The following KLF12 variants were observed in gnomAD, a reference collection of about 807,000 sequenced individuals.
KLF12 encodes the protein KLF transcription factor 12.
In KLF12, 9 loss-of-function variants were observed where a neutral mutation model predicts 37.8. The observed-to-expected ratio is 0.24, with a 90% CI of 0.14 to 0.42. The LOEUF (loss-of-function observed/expected upper bound fraction) is 0.42. Ranked by LOEUF, KLF12 falls within the 10% of genes least tolerant of loss-of-function variation. KLF12 has a pLI of 1.00. For missense variants in KLF12, 411 were observed against 516.0 expected, an observed-to-expected ratio of 0.80 and a Z score of 1.97; for synonymous variants, 208 against 202.1, an observed-to-expected ratio of 1.03 and a Z score of -0.25.
the KLF12 span, among the ~76,000 whole-genome samples, chr13:74,202,008 G>C: frequency 1.3e-5 from 2 of 152,088 alleles, no homozygotes; most frequent in African/African-American, 4.8e-5. Context: ...ATGAGAGGCT[G>C]TTGTCCAGCT....
intron 3 of KLF12, among the ~76,000 whole-genome samples, chr13:73,866,509 T>C (rs1254307379): frequency 6.6e-6 from 1 of 152,166 alleles, no homozygotes; most frequent in African/African-American, 2.4e-5. Context: ...GAGTAACTAT[T>C]TGAAGAGTTA....
At chr13:74,076,479 C>G (rs1874570306) in intron 1 of KLF12, among the ~76,000 whole-genome samples, 3 of 152,196 alleles carry the variant, frequency 2.0e-5, no homozygotes, top group Admixed American at 2.0e-4. Context: ...TGTGGTGTTC[C>G]CCACACAGTG....
At chr13:74,195,312 C>G in the KLF12 span, among the ~76,000 whole-genome samples, 1 of 152,138 alleles carries the variant, frequency 6.6e-6, no homozygotes, top group Non-Finnish European at 1.5e-5. Flanking sequence ...GACACAGAGG[C>G]CTCACAGCCA....
the KLF12 span, among the ~76,000 whole-genome samples, chr13:74,221,227 C>T: frequency 1.3e-5 from 2 of 152,126 alleles, no homozygotes; most frequent in Non-Finnish European, 2.9e-5. Context: ...AGGATGGTCT[C>T]GATCTCCTGA....
At chr13:74,098,857 G>C (rs1876135526) in intron 1 of KLF12, among the ~76,000 whole-genome samples, 1 of 152,002 alleles carries the variant, frequency 6.6e-6, no homozygotes, top group African/African-American at 2.4e-5. Context: ...AATATAAACA[G>C]GTTTATATTT....
chr13:73,750,723 T>C (rs139201707), intron 6 of KLF12, among the ~76,000 whole-genome samples: 2 of 147,972 alleles, frequency 1.4e-5, no homozygotes, highest in East Asian at 3.9e-4. Flanking sequence ...GCTGCACCTA[T>C]CAACCCATCA....
At chr13:74,234,748 A>G in the KLF12 span, among the ~76,000 whole-genome samples, 6 of 143,282 alleles carry the variant, frequency 4.2e-5, no homozygotes, top group Middle Eastern at 3.6e-3. Context: ...TCTTATTCGG[A>G]AAAAAAAAAA....
intron 1 of KLF12, among the ~76,000 whole-genome samples, chr13:74,062,763 G>A (rs986083986): frequency 2.0e-5 from 3 of 152,046 alleles, no homozygotes; most frequent in Non-Finnish European, 4.4e-5. Context: ...TGACCCTTTT[G>A]TGTTAAAAAA....
chr13:73,839,508 T>G (rs2138641609), intron 4 of KLF12, among the ~76,000 whole-genome samples: 1 of 152,320 alleles, frequency 6.6e-6, no homozygotes, highest in South Asian at 2.1e-4. Context: ...GGACTCATGG[T>G]TTATTTTCAG....
chr13:73,963,537 C>T (rs1475277806), intron 2 of KLF12, among the ~76,000 whole-genome samples: 1 of 152,168 alleles, frequency 6.6e-6, no homozygotes, highest in African/African-American at 2.4e-5. Flanking sequence ...CTACTTCCAA[C>T]AATTAGGACA....
intron 1 of KLF12, among the ~76,000 whole-genome samples, chr13:74,113,662 C>A (rs1465403562): frequency 6.6e-6 from 1 of 152,228 alleles, no homozygotes; most frequent in Non-Finnish European, 1.5e-5. Flanking sequence ...AGCTCTGACA[C>A]AGACGTATGT....
At chr13:73,717,204 C>A (rs1307761993) in intron 6 of KLF12, among the ~76,000 whole-genome samples, 1 of 152,194 alleles carries the variant, frequency 6.6e-6, no homozygotes, top group Non-Finnish European at 1.5e-5. Flanking sequence ...GGCACAGTGG[C>A]TCAAGCCTGT....
intron 6 of KLF12, among the ~76,000 whole-genome samples, chr13:73,735,965 T>C (rs1877432018): frequency 1.3e-5 from 2 of 151,912 alleles, no homozygotes; most frequent in African/African-American, 4.8e-5. Context: ...TTCTTTTTTT[T>C]TTTACCTGCT....
chr13:74,138,601 A>C (rs1406013626), upstream of KLF12, among the ~76,000 whole-genome samples: 2 of 152,156 alleles, frequency 1.3e-5, no homozygotes, highest in Non-Finnish European at 2.9e-5. Context: ...TATTGCAATC[A>C]ATACAGTTTT....
the KLF12 span, among the ~76,000 whole-genome samples, chr13:74,296,886 A>G: frequency 6.6e-6 from 1 of 152,168 alleles, no homozygotes; most frequent in Non-Finnish European, 1.5e-5. Flanking sequence ...ACTCTTGTCT[A>G]CAAGAGCCTA....
At chr13:74,228,163 A>G in the KLF12 span, among the ~76,000 whole-genome samples, 1 of 152,164 alleles carries the variant, frequency 6.6e-6, no homozygotes, top group African/African-American at 2.4e-5. Context: ...GATGAGCTTC[A>G]GAACTATCTA....
At chr13:73,875,733 T>C (rs541556778) in intron 3 of KLF12, among the ~76,000 whole-genome samples, 33 of 152,276 alleles carry the variant, frequency 2.2e-4, no homozygotes, top group African/African-American at 7.7e-4. Context: ...ACGTTTTACA[T>C]TTGATGAATT....
intron 1 of KLF12, among the ~76,000 whole-genome samples, chr13:74,054,931 T>C (rs879675929): frequency 7.2e-5 from 11 of 152,238 alleles, no homozygotes; most frequent in Non-Finnish European, 1.3e-4. Flanking sequence ...GTATTATACT[T>C]TGTATGGACA....
At chr13:74,265,636 G>A in the KLF12 span, among the ~76,000 whole-genome samples, 5 of 152,198 alleles carry the variant, frequency 3.3e-5, no homozygotes, top group Non-Finnish European at 4.4e-5. Context: ...ATGATGTTCA[G>A]GTGATAGAGT....
Sources: gnomAD v4.1 joint callset for allele counts (sites outside exome capture counted in the v4.1 genomes callset) on GRCh38, gnomAD v4.1.1 for gene constraint, MANE v1.5 for transcripts, NCBI Gene and HGNC (gene_info 2026-07-23, HGNC 2026-07-21) for gene names.